PAMR1: variants seen among roughly 807,000 people sequenced by gnomAD.
The protein encoded by PAMR1 is peptidase domain containing associated with muscle regeneration 1, also known as inactive serine protease PAMR1.
PAMR1 carries 88 observed loss-of-function variants against 81.8 expected under a neutral mutation model. The observed-to-expected ratio is 1.08, with a 90% confidence interval of 0.91 to 1.28. The LOEUF is 1.28. PAMR1 is among the 50% of genes most tolerant of loss of function. The probability of loss-of-function intolerance (pLI) is 0.00; values close to 1 mark genes in which losing one functional copy is unlikely to be tolerated. For synonymous variants in PAMR1, 336 were observed against 345.3 expected (o/e 0.97, Z 0.30); for missense variants, 935 against 919.7 (o/e 1.02, Z -0.21).
chr11:35,526,403 C>T (rs971376335), upstream of PAMR1, among the ~76,000 whole-genome samples: 1 of 152,300 alleles, frequency 6.6e-6, no homozygotes, highest in African/African-American at 2.4e-5. Context: ...ACCCTCACTG[C>T]CTCCACCAAA....
intron 6 of PAMR1, among the ~76,000 whole-genome samples, chr11:35,456,651 C>T (rs1856538748): frequency 6.6e-6 from 1 of 152,174 alleles, no homozygotes; most frequent in Non-Finnish European, 1.5e-5. Context: ...AGAGATGAGA[C>T]AATTAGAAGA....
chr11:35,441,820 TAAAATA>T (rs1856177280), intron 6 of PAMR1, 127 bp from the exon 7 acceptor site: 7 of 586,900 alleles, frequency 1.2e-5, no homozygotes, highest in Middle Eastern at 4.5e-4. Flanking sequence ...AAAGAATTAC[TAAAATA>T]AATCTCATAA....
chr11:35,454,307 T>C (rs7927488), intron 6 of PAMR1, among the ~76,000 whole-genome samples: 57,861 of 152,030 alleles, frequency 0.38, 11,622 homozygotes, highest in African/African-American at 0.51. Context: ...CTGAAAAATA[T>C]CTAGGAGATT....
At chr11:35,447,436 C>A (rs2222137) in intron 6 of PAMR1, among the ~76,000 whole-genome samples, 3,116 of 152,192 alleles carry the variant, frequency 0.02, 85 homozygotes, top group Admixed American at 0.068. Context: ...ATCTCCTGAC[C>A]TCATGATCTG....
At chr11:35,502,431 C>A (rs1038055728) in intron 1 of PAMR1, among the ~76,000 whole-genome samples, 2 of 152,082 alleles carry the variant, frequency 1.3e-5, no homozygotes, top group Non-Finnish European at 1.5e-5. Context: ...CTCTAACAGG[C>A]CCCAGTGTGG....
At chr11:35,439,431 T>C (rs1280876604) in intron 8 of PAMR1, among the ~76,000 whole-genome samples, 196 bp downstream of exon 8, 1 of 152,238 alleles carries the variant, frequency 6.6e-6, no homozygotes, top group Non-Finnish European at 1.5e-5. Flanking sequence ...CTTCCAACAG[T>C]TGCTACCTCT....
chr11:35,505,934 C>G (rs1220556152), intron 1 of PAMR1, among the ~76,000 whole-genome samples: 1 of 151,588 alleles, frequency 6.6e-6, no homozygotes, highest in African/African-American at 2.4e-5. Flanking sequence ...TCCTTTGTTC[C>G]TTTTTTACTG....
At chr11:35,497,624 C>T (rs374811881) in intron 1 of PAMR1, among the ~76,000 whole-genome samples, 2 of 152,180 alleles carry the variant, frequency 1.3e-5, no homozygotes, top group South Asian at 2.1e-4. Flanking sequence ...GCTTTAATTA[C>T]CCCTTAGCTC....
chr11:35,481,818 G>C (rs1213359272), intron 3 of PAMR1, among the ~76,000 whole-genome samples: 1 of 152,048 alleles, frequency 6.6e-6, no homozygotes, highest in Non-Finnish European at 1.5e-5. Flanking sequence ...CACCTTGCCT[G>C]GCCATAAATG....
intron 1 of PAMR1, among the ~76,000 whole-genome samples, chr11:35,495,955 G>T (rs990259536): frequency 2.6e-5 from 4 of 152,202 alleles, no homozygotes; most frequent in African/African-American, 9.6e-5. Context: ...GGCCAGAAAA[G>T]ATCCTTACAT....
chr11:35,502,494 AG>A (rs1228800642), intron 1 of PAMR1, among the ~76,000 whole-genome samples: 4 of 150,308 alleles, frequency 2.7e-5, no homozygotes, highest in African/African-American at 9.9e-5. Flanking sequence ...CCCACTCATA[AG>A]TGAGAACATG....
At position 35,494,861 on chromosome 11, in the gene PAMR1, C is replaced by A. The variant is rs554038189; in HGVS notation, c.74-589G>T. Among the ~76,000 whole-genome samples the A allele has an allele frequency of 2.0e-5, 3 of 152,312 alleles. No individual in the cohort carries two copies. In the South Asian group the frequency reaches 6.2e-4, roughly 32 times the overall value. On this transcript the variant is annotated intron_variant, in intron 1 of 10. Transcript: ENST00000619888. ...TATTTTTATCTTTAAAAAAAGAAATCAAGTTTCATCAATATATAATCTAGG... is the reference window on the plus strand; with the variant it reads ...TATTTTTATCTTTAAAAAAAGAAATAAAGTTTCATCAATATATAATCTAGG...
At chr11:35,525,654 G>A (rs573842457), upstream of PAMR1, 34 of 1,442,190 alleles carry the variant, frequency 2.4e-5, no homozygotes, top group East Asian at 3.6e-4. Context: ...GCCGGGGGCA[G>A]GCGGGTTTTA....
chr11:35,518,099 A>T (rs1316772044), intron 1 of PAMR1, among the ~76,000 whole-genome samples: 1 of 152,160 alleles, frequency 6.6e-6, no homozygotes, highest in African/African-American at 2.4e-5. Context: ...CATTGGCCAC[A>T]GGACCAGGCT....
At chr11:35,452,702 GT>G (rs1384703628) in intron 6 of PAMR1, among the ~76,000 whole-genome samples, 1 of 152,022 alleles carries the variant, frequency 6.6e-6, no homozygotes, top group African/African-American at 2.4e-5. Context: ...TGTTTCTGGG[GT>G]TAAGTACCTA....
intron 3 of PAMR1, 77 bp downstream of exon 3, chr11:35,491,968 A>G: frequency 7.7e-7 from 1 of 1,290,900 alleles, no homozygotes; most frequent in East Asian, 2.7e-5. Context: ...TTCCAAGGAG[A>G]TAAATTTTGG....
intron 6 of PAMR1, among the ~76,000 whole-genome samples, chr11:35,446,639 G>A (rs1030060376): frequency 6.6e-6 from 1 of 152,166 alleles, no homozygotes; most frequent in African/African-American, 2.4e-5. Context: ...CCATATAATT[G>A]TGTGGTTGAG....
intron 1 of PAMR1, among the ~76,000 whole-genome samples, chr11:35,495,601 G>A (rs1054926104): frequency 3.9e-5 from 6 of 152,074 alleles, no homozygotes; most frequent in African/African-American, 1.2e-4. Flanking sequence ...AAGTGAATCC[G>A]GACAAGATCC....
At chr11:35,495,577 T>C (rs1405021084) in intron 1 of PAMR1, among the ~76,000 whole-genome samples, 2 of 152,242 alleles carry the variant, frequency 1.3e-5, no homozygotes, top group Middle Eastern at 3.4e-3. Flanking sequence ...CTGAAATGAA[T>C]TGGATATTTG....
Sources: allele counts gnomAD v4.1 joint callset (sites outside exome capture counted in the v4.1 genomes callset), GRCh38; gene constraint gnomAD v4.1.1; transcripts MANE v1.5; gene names NCBI Gene and HGNC (gene_info 2026-07-23, HGNC 2026-07-21).